The following STON2 variants were observed in gnomAD, a reference collection of about 807,000 sequenced individuals.
STON2 encodes the protein stonin 2.
A neutral mutation model predicts 65.7 loss-of-function variants in STON2; 29 were observed. That is an observed-to-expected ratio of 0.44 (90% CI 0.33 to 0.60). STON2 has a LOEUF of 0.60. Among genes scored for constraint, STON2 ranks in the 20% least tolerant of loss-of-function variants. The pLI, the probability that STON2 is intolerant of heterozygous loss-of-function variation, is 0.03. For missense variants in STON2, 1,054 were observed against 1,118.1 expected (o/e 0.94, Z 0.82); for synonymous variants, 404 against 414.2 (o/e 0.98, Z 0.30).
chr14:81,295,242 T>C (rs571946623), intron 5 of STON2, among the ~76,000 whole-genome samples: 1 of 152,232 alleles, frequency 6.6e-6, no homozygotes, highest in East Asian at 1.9e-4. Flanking sequence ...GGAGAATGGC[T>C]TGAACCCGGG....
At chr14:81,426,779 C>A (rs1901995797) in intron 2 of STON2, among the ~76,000 whole-genome samples, 1 of 152,144 alleles carries the variant, frequency 6.6e-6, no homozygotes, top group Admixed American at 6.5e-5. Flanking sequence ...TCACATGATT[C>A]TTTAAAATGG....
At position 81,265,280 on chromosome 14, in the gene STON2, G is replaced by A. The variant is rs189938467; in HGVS notation, c.*3134C>T. 3.0e-6 allele frequency: 3 copies of A among 983,616 alleles called. No individual in the cohort carries two copies. Among genetic ancestry groups the A allele is most frequent in the Non-Finnish European group, 3.6e-6 (3 of 828,548 alleles). The allele number at this position is 983,616 out of a possible 1,614,324, so 60.9% of individuals were successfully genotyped here. A position where few individuals can be genotyped will look rare whatever the true frequency, so the allele number is the denominator to read the frequency against. ...TATTATTATCCCCAAACCCCTAAAT[G>A]CTACCCATAATCAGTTTCCTAAAAA... On this transcript the variant is annotated 3_prime_UTR_variant, in exon 8 of 8. Transcript: ENST00000614646.
chr14:81,428,342 A>T (rs1281070655), intron 1 of STON2, among the ~76,000 whole-genome samples: 2 of 152,356 alleles, frequency 1.3e-5, no homozygotes, highest in Admixed American at 6.5e-5. Context: ...CATTTAAACA[A>T]CGTATAACTG....
At chr14:81,434,022 T>C (rs145743665) in intron 1 of STON2, among the ~76,000 whole-genome samples, 2 of 152,310 alleles carry the variant, frequency 1.3e-5, no homozygotes, top group Non-Finnish European at 2.9e-5. Flanking sequence ...TCAGCTCAAG[T>C]GTTACCCCTC....
chr14:81,274,255 C>G (rs1402239353), intron 6 of STON2, among the ~76,000 whole-genome samples: 1 of 152,090 alleles, frequency 6.6e-6, no homozygotes, highest in Non-Finnish European at 1.5e-5. Context: ...ATAACCATGA[C>G]AGCAAAATCA....
chr14:81,430,508 C>T (rs1053892367), intron 1 of STON2, among the ~76,000 whole-genome samples: 5 of 152,170 alleles, frequency 3.3e-5, no homozygotes. Flanking sequence ...CACCCCTTGC[C>T]AGTTAGAGAG....
rs181244174 is a variant in STON2, at chr14:81,413,007, T to A, written c.-199+14095A>T. 2,335 of 1,101,384 alleles carry A rather than the reference T, an allele frequency of 2.1e-3. 238 individuals are homozygous for A. Among genetic ancestry groups the A allele is most frequent in the Non-Finnish European group, 1.7e-3 (1,278 of 748,480 alleles). 68.2% of individuals were successfully genotyped at this position (1,101,384 alleles called of 1,614,324 possible). The stretch of plus-strand genomic sequence containing the variant: ...AAGGCCGTGATCAAAAATGCGGACA[T>A]GTCGGAAGAGACGCAGCAGAACTCG... On this transcript the variant is annotated intron_variant, in intron 2 of 8. Transcript: ENST00000553821.
chr14:81,363,967 T>G (rs146179464), intron 4 of STON2, among the ~76,000 whole-genome samples: 18 of 152,288 alleles, frequency 1.2e-4, no homozygotes, highest in Non-Finnish European at 2.2e-4. Context: ...TACAGAGACA[T>G]GCAGCCCAGG....
At chr14:81,405,063 T>C (rs1464036350), upstream of STON2, among the ~76,000 whole-genome samples, 2 of 152,266 alleles carry the variant, frequency 1.3e-5, no homozygotes, top group Non-Finnish European at 2.9e-5. Context: ...CATTTGGATG[T>C]AGTTTTCTTA....
At chr14:81,388,026 T>A (rs1899904330) in intron 3 of STON2, among the ~76,000 whole-genome samples, 1 of 139,326 alleles carries the variant, frequency 7.2e-6, no homozygotes. Context: ...CTTGGCTCAC[T>A]GCAACCTCCG....
chr14:81,296,823 T>C (rs1173880993), intron 5 of STON2, among the ~76,000 whole-genome samples: 2 of 152,174 alleles, frequency 1.3e-5, no homozygotes, highest in African/African-American at 4.8e-5. Context: ...TAAATGTTGA[T>C]GGCAAATAAA....
Position 81,308,807 on chromosome 14 carries a change from T to C in STON2, c.742+15210A>G, listed in dbSNP as rs1411096990. ...ATATATATATATATATATATATATA[T>C]ATATATATATATATATATGTGTGTG... On this transcript the variant is annotated intron_variant, in intron 5 of 7. Transcript: ENST00000614646. Among the ~76,000 whole-genome samples, 176 of 24,914 alleles carry C rather than the reference T, an allele frequency of 7.1e-3. 6 individuals carry two copies. The highest frequency in any genetic ancestry group is 1.4e-3 in the Non-Finnish European group (17 of 12,002). The allele number at this position is 24,914 out of a possible 152,430, so 16.3% of individuals were successfully genotyped here. A position where few individuals can be genotyped will look rare whatever the true frequency, so the allele number is the denominator to read the frequency against.
chr14:81,298,631 A>C (rs1336925884), intron 5 of STON2, among the ~76,000 whole-genome samples: 1 of 152,196 alleles, frequency 6.6e-6, no homozygotes, highest in Non-Finnish European at 1.5e-5. Flanking sequence ...ACAGAAAAGC[A>C]TGTTGAACAG....
chr14:81,397,750 T>C (rs891184757), intron 2 of STON2, among the ~76,000 whole-genome samples: 1 of 152,204 alleles, frequency 6.6e-6, no homozygotes, highest in African/African-American at 2.4e-5. Flanking sequence ...ATGACCGTAC[T>C]GAGCTCTTTC....
At chr14:81,301,021 T>C (rs181058381) in intron 5 of STON2, among the ~76,000 whole-genome samples, 2 of 152,344 alleles carry the variant, frequency 1.3e-5, no homozygotes, top group East Asian at 3.9e-4. Context: ...ACCATTTATA[T>C]ATGCAACAAC....
chr14:81,262,923 ATT>A lies in STON2; in HGVS notation c.*5489_*5490del. On this transcript the variant is annotated 3_prime_UTR_variant, in exon 8 of 8. Coordinates refer to ENST00000614646, the MANE Select transcript of STON2 (RefSeq NM_001394390.1). Reference sequence around the variant, plus strand: ...AGTCATGATATCTAAAGCCAGTCTCATTTAAACAAGATAAGAAATGGTTTGTG... The same window carrying A: ...AGTCATGATATCTAAAGCCAGTCTCATAAACAAGATAAGAAATGGTTTGTG... 1.0e-6 allele frequency: 1 copy of A among 985,454 alleles called. No individual in the cohort carries two copies. The highest frequency in any genetic ancestry group is 1.2e-6 in the Non-Finnish European group (1 of 829,928). 61.0% of individuals were successfully genotyped at this position (985,454 alleles called of 1,614,324 possible). A position where few individuals can be genotyped will look rare whatever the true frequency, so the allele number is the denominator to read the frequency against.
intron 5 of STON2, among the ~76,000 whole-genome samples, chr14:81,311,193 T>G (rs1896412497): frequency 6.6e-6 from 1 of 152,166 alleles, no homozygotes; most frequent in Non-Finnish European, 1.5e-5. Flanking sequence ...ACCAACAGGT[T>G]AAGAAGCAGT....
intron 4 of STON2, among the ~76,000 whole-genome samples, chr14:81,347,307 C>G (rs1005707563): frequency 3.3e-5 from 5 of 151,900 alleles, no homozygotes; most frequent in African/African-American, 4.8e-5. Context: ...TATATGTGAA[C>G]AAATCAGAAA....
At chr14:81,325,124 T>C (rs893041356) in intron 4 of STON2, among the ~76,000 whole-genome samples, 4 of 152,140 alleles carry the variant, frequency 2.6e-5, no homozygotes, top group Non-Finnish European at 4.4e-5. Flanking sequence ...GGAATGCCTT[T>C]CACCACTCCA....
Sources: allele counts gnomAD v4.1 joint callset (sites outside exome capture counted in the v4.1 genomes callset), GRCh38; gene constraint gnomAD v4.1.1; transcripts MANE v1.5; gene names NCBI Gene and HGNC (gene_info 2026-07-23, HGNC 2026-07-21).